WLS: variants seen among roughly 807,000 people sequenced by gnomAD.
WLS encodes the protein protein wntless homolog.
In WLS, 23 loss-of-function variants were observed where a neutral mutation model predicts 62.8. That is an observed-to-expected ratio of 0.37 (90% confidence interval 0.26 to 0.52). The LOEUF is 0.52. Ranked by LOEUF, WLS falls within the 20% of genes least tolerant of loss-of-function variation. The pLI is 0.92. For synonymous variants in WLS, 246 were observed against 244.1 expected (o/e 1.01, Z -0.07); for missense variants, 615 against 697.3 (o/e 0.88, Z 1.33).
chr1:68,173,940 T>TA (rs1243708192), intron 2 of WLS, among the ~76,000 whole-genome samples: 1 of 151,952 alleles, frequency 6.6e-6, no homozygotes, highest in African/African-American at 2.4e-5. Context: ...CTGGGGCATT[T>TA]AAAAAAAAGT....
At chr1:68,108,097 A>G (rs942412961) in intron 11 of WLS, among the ~76,000 whole-genome samples, 19 of 152,152 alleles carry the variant, frequency 1.2e-4, no homozygotes, top group Non-Finnish European at 8.8e-5. Context: ...ATATTCGTGC[A>G]TTCCAGAGCT....
intron 11 of WLS, among the ~76,000 whole-genome samples, chr1:68,115,814 AT>A (rs1413854120): frequency 4.0e-5 from 6 of 151,784 alleles, no homozygotes; most frequent in Non-Finnish European, 7.4e-5. Context: ...GTTAGGCATA[AT>A]TTTTTTTTGT....
chr1:68,231,478 C>T (rs1557535325), intron 1 of WLS: 1 of 284,404 alleles, frequency 3.5e-6, no homozygotes, highest in African/African-American at 2.2e-5. Flanking sequence ...AAAGCAACAC[C>T]TTTCGGATAC....
intron 1 of WLS, among the ~76,000 whole-genome samples, chr1:68,216,193 G>A (rs1459372048): frequency 6.6e-6 from 1 of 152,098 alleles, no homozygotes; most frequent in African/African-American, 2.4e-5. Context: ...TCTTCAACTT[G>A]TCATAATGTA....
At chr1:68,161,602 C>T (rs1444697349) in intron 2 of WLS, among the ~76,000 whole-genome samples, 1 of 152,236 alleles carries the variant, frequency 6.6e-6, no homozygotes, top group Non-Finnish European at 1.5e-5. Flanking sequence ...CTTCAGTTTT[C>T]TAGCTCTTGT....
intron 11 of WLS, among the ~76,000 whole-genome samples, chr1:68,101,984 A>G (rs1433133133): frequency 6.6e-6 from 1 of 152,182 alleles, no homozygotes; most frequent in Non-Finnish European, 1.5e-5. Context: ...ACTTTGAACT[A>G]TGTGTGTAGG....
intron 11 of WLS, among the ~76,000 whole-genome samples, chr1:68,116,646 T>C (rs1019562609): frequency 1.3e-5 from 2 of 152,222 alleles, no homozygotes. Flanking sequence ...TAGCAGGGAT[T>C]CTACATGCTA....
At chr1:68,221,826 A>G (rs929655862) in intron 1 of WLS, among the ~76,000 whole-genome samples, 1 of 152,236 alleles carries the variant, frequency 6.6e-6, no homozygotes, top group Non-Finnish European at 1.5e-5. Flanking sequence ...CAGAGGAGGA[A>G]GAATTTACAG....
chr1:68,220,061 C>G (rs997322448), intron 1 of WLS, among the ~76,000 whole-genome samples: 1 of 152,008 alleles, frequency 6.6e-6, no homozygotes, highest in African/African-American at 2.4e-5. Flanking sequence ...TGAATACTGG[C>G]CCAGAATTTT....
intron 11 of WLS, among the ~76,000 whole-genome samples, chr1:68,116,783 T>C (rs960545932): frequency 2.0e-5 from 3 of 152,214 alleles, no homozygotes; most frequent in Non-Finnish European, 4.4e-5. Flanking sequence ...TGAATGAATC[T>C]ATTTCTTTCA....
At chr1:68,198,802 G>T (rs925705781) in intron 1 of WLS, among the ~76,000 whole-genome samples, 1 of 152,198 alleles carries the variant, frequency 6.6e-6, no homozygotes, top group African/African-American at 2.4e-5. Context: ...TGGGAGAAAT[G>T]AATACACCAG....
At chr1:68,179,431 G>A (rs1187830507) in intron 2 of WLS, among the ~76,000 whole-genome samples, 3 of 152,096 alleles carry the variant, frequency 2.0e-5, no homozygotes, top group East Asian at 1.9e-4. Flanking sequence ...ATAGCCTCTC[G>A]ACTTCCCAGC....
At chr1:68,114,669 T>G (rs558683123) in intron 11 of WLS, among the ~76,000 whole-genome samples, 1 of 152,220 alleles carries the variant, frequency 6.6e-6, no homozygotes, top group Non-Finnish European at 1.5e-5. Flanking sequence ...GATGATGGAG[T>G]GACCACTGGT....
intron 8 of WLS, among the ~76,000 whole-genome samples, chr1:68,146,895 T>C (rs1646759479): frequency 6.6e-6 from 1 of 152,124 alleles, no homozygotes; most frequent in South Asian, 2.1e-4. Context: ...AATTGCCTTT[T>C]TTTTTTTGAG....
intron 3 of WLS, among the ~76,000 whole-genome samples, chr1:68,157,884 AG>A (rs970089359): frequency 6.6e-6 from 1 of 152,222 alleles, no homozygotes; most frequent in Admixed American, 6.5e-5. Flanking sequence ...TGTATCCGAA[AG>A]CCATCTAGCT....
downstream of WLS, among the ~76,000 whole-genome samples, chr1:68,123,237 C>A (rs1646385205): frequency 6.6e-6 from 1 of 152,210 alleles, no homozygotes; most frequent in Non-Finnish European, 1.5e-5. Flanking sequence ...GAAGGTTACA[C>A]ACATCCAAAC....
At position 68,148,679 on chromosome 1, in the gene WLS, A is replaced by G. The variant is rs1284735075; in HGVS notation, c.973-19T>C. The G allele has an allele frequency of 2.5e-6, 4 of 1,611,616 alleles. No individual in the cohort carries two copies. In the Admixed American group the frequency reaches 5.0e-5, roughly 20 times the overall value. ...GCTGATCCTGAGGAAAACCAAATTGAGAAGGGAGATAGAGGGGAGAGGAAG... is the reference window on the plus strand; with the variant it reads ...GCTGATCCTGAGGAAAACCAAATTGGGAAGGGAGATAGAGGGGAGAGGAAG... On this transcript the variant is annotated intron_variant, in intron 6 of 11. Coordinates refer to ENST00000262348, the MANE Select transcript of WLS (RefSeq NM_024911.7).
intron 5 of WLS, among the ~76,000 whole-genome samples, chr1:68,152,990 A>G (rs1646847594): frequency 6.6e-6 from 1 of 152,160 alleles, no homozygotes; most frequent in Non-Finnish European, 1.5e-5. Flanking sequence ...AAAGAACCAG[A>G]AAGGTCAGCT....
At chr1:68,220,995 A>T (rs536780100) in intron 1 of WLS, among the ~76,000 whole-genome samples, 89 of 152,330 alleles carry the variant, frequency 5.8e-4, no homozygotes, top group African/African-American at 2.1e-3. Context: ...GAGGGAAGGA[A>T]GGTATTGGAG....
Sources: gnomAD v4.1 joint callset for allele counts (sites outside exome capture counted in the v4.1 genomes callset) on GRCh38, gnomAD v4.1.1 for gene constraint, MANE v1.5 for transcripts, NCBI Gene and HGNC (gene_info 2026-07-23, HGNC 2026-07-21) for gene names.